IGFBP7: variants seen among roughly 807,000 people sequenced by gnomAD.
IGFBP7 encodes insulin-like growth factor-binding protein 7.
A neutral mutation model predicts 29.4 loss-of-function variants in IGFBP7; 31 were observed. The observed-to-expected ratio is 1.05, with a 90% CI of 0.79 to 1.42. The LOEUF (loss-of-function observed/expected upper bound fraction) is 1.42. Ranked by LOEUF, IGFBP7 falls within the 40% of genes most tolerant of loss-of-function variation. IGFBP7 has a pLI of 0.00. For missense variants in IGFBP7, 393 were observed against 395.5 expected, an observed-to-expected ratio of 0.99 and a Z score of 0.05; for synonymous variants, 172 against 174.9, an observed-to-expected ratio of 0.98 and a Z score of 0.13.
intron 1 of IGFBP7, among the ~76,000 whole-genome samples, chr4:57,047,806 C>T (rs1238020268): frequency 6.6e-6 from 1 of 152,140 alleles, no homozygotes; most frequent in Non-Finnish European, 1.5e-5. Flanking sequence ...GCGAACATGG[C>T]TCACTGCAGC....
At chr4:57,089,715 C>T (rs972766251) in intron 1 of IGFBP7, among the ~76,000 whole-genome samples, 16 of 152,192 alleles carry the variant, frequency 1.1e-4, no homozygotes, top group African/African-American at 3.9e-4. Flanking sequence ...GTGTCCACCA[C>T]CCCCTTCTCT....
At chr4:57,048,691 A>G (rs1453469593) in intron 1 of IGFBP7, among the ~76,000 whole-genome samples, 1 of 152,222 alleles carries the variant, frequency 6.6e-6, no homozygotes, top group Admixed American at 6.5e-5. Context: ...AAAGCACAGC[A>G]GGAACAATAT....
At position 57,035,326 on chromosome 4, in the gene IGFBP7, C is replaced by T. The variant is rs933931146; in HGVS notation, c.586-2015G>A. On this transcript the variant is annotated intron_variant, in intron 2 of 4. Coordinates refer to ENST00000295666, the MANE Select transcript of IGFBP7 (RefSeq NM_001553.3). ...GCATGGCGTATTTTAATTAATGTTA[C>T]GTAATTATAAAAGGTTATACATCAT... Among the ~76,000 whole-genome samples the T allele has an allele frequency of 1.4e-4, 22 of 152,050 alleles. No individual in the cohort carries two copies. The South Asian group carries it at 2.3e-3, about 16-fold the overall frequency.
At chr4:57,091,364 T>C (rs984146910) in intron 1 of IGFBP7, among the ~76,000 whole-genome samples, 2 of 152,216 alleles carry the variant, frequency 1.3e-5, no homozygotes, top group Non-Finnish European at 2.9e-5. Flanking sequence ...CAATTTTAGC[T>C]TCCTTTGGAT....
Position 57,040,952 on chromosome 4 carries a change from A to G in IGFBP7, c.476-19T>C. 6.6e-7 allele frequency: 1 copy of G among 1,512,364 alleles called. No individual in the cohort carries two copies. The highest frequency in any genetic ancestry group is 9.2e-7 in the Non-Finnish European group (1 of 1,087,546). The allele number at this position is 1,512,364 out of a possible 1,614,324, so 93.7% of individuals were successfully genotyped here. ...GAAGGACCTGCAGGAGAGGGCACAA[A>G]GCCAAAGTCATCTTTTAAACAGTCC... is the stretch of plus-strand genomic sequence containing the variant. On this transcript the variant is annotated intron_variant, in intron 1 of 4. Transcript: ENST00000295666.
chr4:57,062,146 G>A (rs1382003887), intron 1 of IGFBP7, among the ~76,000 whole-genome samples: 1 of 152,090 alleles, frequency 6.6e-6, no homozygotes. Flanking sequence ...CCAAACCCAG[G>A]GCCTCCCCGA....
intron 1 of IGFBP7, among the ~76,000 whole-genome samples, chr4:57,071,497 C>G (rs894343453): frequency 1.1e-4 from 16 of 152,118 alleles, no homozygotes; most frequent in African/African-American, 3.4e-4. Flanking sequence ...ATTAAGCAAC[C>G]CTGGATCTCT....
intron 1 of IGFBP7, among the ~76,000 whole-genome samples, chr4:57,044,415 T>C (rs534697068): frequency 1.3e-5 from 2 of 152,252 alleles, no homozygotes; most frequent in Non-Finnish European, 2.9e-5. Context: ...GTGTCCTGTT[T>C]AAGAAAATTT....
intron 1 of IGFBP7, among the ~76,000 whole-genome samples, chr4:57,049,451 A>G (rs1171531697): frequency 6.6e-6 from 1 of 152,138 alleles, no homozygotes; most frequent in Non-Finnish European, 1.5e-5. Flanking sequence ...AGTCCTGCTC[A>G]CCCACCATTA....
chr4:57,091,874 T>C lies in IGFBP7; in HGVS notation c.475+18003A>G, dbSNP rs573447663. ...TGGTAAAAATGTTGTAAGTAAATTC[T>C]TTTCTAGTTTTAATAAGTGGAGCAG... is the stretch of plus-strand genomic sequence containing the variant. On this transcript the variant is annotated intron_variant, in intron 1 of 4. Transcript: ENST00000295666. 2.6e-5 allele frequency among the ~76,000 whole-genome samples: 4 copies of C among 152,296 alleles called. No individual in the cohort carries two copies. In the Middle Eastern group the frequency reaches 0.014, roughly 518 times the overall value.
chr4:57,090,847 T>C (rs1258677864), intron 1 of IGFBP7, among the ~76,000 whole-genome samples: 2 of 152,154 alleles, frequency 1.3e-5, no homozygotes, highest in Non-Finnish European at 2.9e-5. Flanking sequence ...CAAGACTCCA[T>C]CTCAAAAAAA....
chr4:57,041,037 T>G (rs1359861339), intron 1 of IGFBP7, 104 bp from the exon 2 acceptor site: 1 of 763,854 alleles, frequency 1.3e-6, no homozygotes, highest in Non-Finnish European at 2.3e-6. Context: ...GCCATCCCCT[T>G]GATGGATTAT....
At chr4:57,060,916 T>G (rs1416949022) in intron 1 of IGFBP7, among the ~76,000 whole-genome samples, 1 of 151,022 alleles carries the variant, frequency 6.6e-6, no homozygotes, top group South Asian at 2.1e-4. Flanking sequence ...AAAAAAGTTT[T>G]TTTTCCTGTA....
intron 1 of IGFBP7, among the ~76,000 whole-genome samples, chr4:57,076,026 A>G (rs192188360): frequency 9.8e-5 from 15 of 152,338 alleles, no homozygotes; most frequent in Admixed American, 7.8e-4. Context: ...AACAAATACC[A>G]TGGACTTGGT....
At chr4:57,094,246 G>A (rs1725707571) in intron 1 of IGFBP7, among the ~76,000 whole-genome samples, 1 of 152,192 alleles carries the variant, frequency 6.6e-6, no homozygotes, top group Non-Finnish European at 1.5e-5. Flanking sequence ...CACTTTCAGT[G>A]ATAGTGAGGA....
At chr4:57,095,785 A>G (rs1328594440) in intron 1 of IGFBP7, among the ~76,000 whole-genome samples, 1 of 152,198 alleles carries the variant, frequency 6.6e-6, no homozygotes, top group Non-Finnish European at 1.5e-5. Flanking sequence ...CCAAGTGACA[A>G]GAGATACTCC....
In IGFBP7 at chr4:57,110,224, AG is replaced by A. The variant is rs1420384631; in HGVS notation, c.127del (p.Leu43CysfsTer46). 1 of 1,377,516 alleles carries A rather than the reference AG, an allele frequency of 7.3e-7. No individual in the cohort carries two copies. Among genetic ancestry groups the A allele is most frequent in the South Asian group, 1.7e-5 (1 of 58,692 alleles). 85.3% of individuals were successfully genotyped at this position (1,377,516 alleles called of 1,614,324 possible). A position where few individuals can be genotyped will look rare whatever the true frequency, so the allele number is the denominator to read the frequency against. Reference protein sequence around the residue: ...GPCEPASCPPLPPLGCLLGET... With the variant: ...GPCEPASCPPXPPLGCLLGET... Reference sequence around the variant, plus strand: ...GCCCAGCAGGCAGCCCAGCGGGGGCAGGGGCGGGCAGGAGGCCGGCTCGCAG... The same window carrying A: ...GCCCAGCAGGCAGCCCAGCGGGGGCAGGGCGGGCAGGAGGCCGGCTCGCAG... On this transcript the variant is annotated frameshift_variant, in exon 1 of 5. Transcript: ENST00000295666. LOFTEE classifies it high-confidence loss of function.
chr4:57,054,639 C>CAAAAAAAAAAAAA (rs75161514), intron 1 of IGFBP7, among the ~76,000 whole-genome samples: 85 of 27,674 alleles, frequency 3.1e-3, no homozygotes, highest in African/African-American at 3.9e-3. Context: ...CTCTCTCTCA[C>CAAAAAAAAAAAAA]AAAAAAAAAA....
At chr4:57,078,616 C>A (rs987996102) in intron 1 of IGFBP7, among the ~76,000 whole-genome samples, 1 of 152,176 alleles carries the variant, frequency 6.6e-6, no homozygotes, top group Non-Finnish European at 1.5e-5. Context: ...CCTCCCCTCT[C>A]ACAGAACACC....
Sources: gnomAD v4.1 joint callset for allele counts (sites outside exome capture counted in the v4.1 genomes callset) on GRCh38, gnomAD v4.1.1 for gene constraint, MANE v1.5 for transcripts, NCBI Gene and HGNC (gene_info 2026-07-23, HGNC 2026-07-21) for gene names.